Variants in PLPP1 observed in about 807,000 individuals in gnomAD.
PLPP1 encodes lipid phosphate phosphohydrolase 1a.
A neutral mutation model predicts 31.2 loss-of-function variants in PLPP1; 24 were observed. The ratio of observed to expected loss-of-function variants is 0.77; its 90% CI spans 0.56 to 1.08. PLPP1 has a LOEUF of 1.08. Among genes scored for constraint, PLPP1 ranks in the 50% least tolerant of loss-of-function variants. The pLI is 0.00. For synonymous variants in PLPP1, 146 were observed against 126.3 expected (o/e 1.16, Z -1.05); for missense variants, 319 against 342.7 (o/e 0.93, Z 0.55).
intron 1 of PLPP1, among the ~76,000 whole-genome samples, chr5:55,519,078 G>C (rs1165753159): frequency 6.6e-6 from 1 of 152,122 alleles, no homozygotes; most frequent in Non-Finnish European, 1.5e-5. Flanking sequence ...AAAAACTTCA[G>C]AGGGTAATTA....
chr5:55,506,671 GT>G (rs1385606222), intron 1 of PLPP1, among the ~76,000 whole-genome samples: 1 of 152,092 alleles, frequency 6.6e-6, no homozygotes, highest in African/African-American at 2.4e-5. Context: ...AAACTAATAT[GT>G]AAGAAACACA....
chr5:55,512,506 GA>G (rs1561253117), intron 1 of PLPP1, among the ~76,000 whole-genome samples: 3,252 of 12,724 alleles, frequency 0.26, 242 homozygotes, highest in Admixed American at 0.36. Context: ...GAAAAGAAAA[GA>G]AAAGAAAAGA....
rs77667438 is a variant in PLPP1, at chr5:55,499,070, T to C, written c.59-23620A>G. Among the ~76,000 whole-genome samples, 955 of 152,254 alleles carry C rather than the reference T, an allele frequency of 6.3e-3. 5 individuals are homozygous for C. The highest frequency in any genetic ancestry group is 0.019 in the East Asian group (98 of 5,190). On this transcript the variant is annotated intron_variant, in intron 1 of 5. Transcript: ENST00000307259. ...CCAAAACAAACTCCCTGCAGGAAAGTAGAGGGATAAGATTTCCAAAGGAGA... is the reference window on the plus strand; with the variant it reads ...CCAAAACAAACTCCCTGCAGGAAAGCAGAGGGATAAGATTTCCAAAGGAGA...
intron 4 of PLPP1, among the ~76,000 whole-genome samples, chr5:55,438,640 G>A (rs910271628): frequency 2.6e-5 from 4 of 152,020 alleles, no homozygotes; most frequent in African/African-American, 9.7e-5. Flanking sequence ...GGTGGCTCAC[G>A]CCTGTAATCC....
At chr5:55,430,595 C>T (rs1751324218) in intron 4 of PLPP1, among the ~76,000 whole-genome samples, 1 of 152,150 alleles carries the variant, frequency 6.6e-6, no homozygotes, top group Admixed American at 6.5e-5. Context: ...AAATATCCTC[C>T]CCTATGAAGG....
At chr5:55,448,804 T>A (rs1751828799) in intron 3 of PLPP1, among the ~76,000 whole-genome samples, 1 of 152,134 alleles carries the variant, frequency 6.6e-6, no homozygotes, top group Non-Finnish European at 1.5e-5. Flanking sequence ...GGGGAACTGG[T>A]TCCTGGACCT....
intron 1 of PLPP1, among the ~76,000 whole-genome samples, chr5:55,483,185 T>TA (rs1311188252): frequency 6.6e-6 from 1 of 152,164 alleles, no homozygotes; most frequent in Non-Finnish European, 1.5e-5. Flanking sequence ...TAATATTTCT[T>TA]AAAAAGTCGT....
chr5:55,462,403 G>C (rs1293973697), intron 3 of PLPP1, among the ~76,000 whole-genome samples: 4 of 151,354 alleles, frequency 2.6e-5, no homozygotes, highest in Non-Finnish European at 5.9e-5. Context: ...GTTTTTTTTC[G>C]GTCAATAAAT....
intron 1 of PLPP1, chr5:55,485,072 T>TA (rs1305102536): frequency 6.6e-6 from 1 of 152,186 alleles, no homozygotes; most frequent in Non-Finnish European, 1.5e-5. Flanking sequence ...AATAAAACTA[T>TA]AATCATAAGT....
At chr5:55,521,850 T>C (rs1183410382) in intron 1 of PLPP1, among the ~76,000 whole-genome samples, 1 of 152,230 alleles carries the variant, frequency 6.6e-6, no homozygotes. Context: ...TTACATGAGT[T>C]CATGTGAAAC....
At chr5:55,522,909 G>A (rs1417071288) in intron 1 of PLPP1, among the ~76,000 whole-genome samples, 5 of 151,988 alleles carry the variant, frequency 3.3e-5, no homozygotes, top group Non-Finnish European at 5.9e-5. Context: ...TAGTACAGAC[G>A]GGGTTTCAGC....
intron 1 of PLPP1, among the ~76,000 whole-genome samples, chr5:55,493,679 A>G (rs1408381920): frequency 6.6e-6 from 1 of 152,092 alleles, no homozygotes; most frequent in East Asian, 1.9e-4. Flanking sequence ...CAAGGTCAGG[A>G]GATCAAGACC....
chr5:55,477,183 T>C (rs1456091552), intron 1 of PLPP1, among the ~76,000 whole-genome samples: 1 of 152,172 alleles, frequency 6.6e-6, no homozygotes, highest in Non-Finnish European at 1.5e-5. Context: ...TCAATACATA[T>C]ACCATGGTTA....
rs75863817 is a variant in PLPP1 at position 55,470,452 on chromosome 5, G to C, written c.211-2303C>G. On this transcript the variant is annotated intron_variant, in intron 2 of 5. Coordinates refer to ENST00000307259, the MANE Select transcript of PLPP1 (RefSeq NM_003711.4). ...GCCACCCAAATCCTGGCTCTTGCCA[G>C]TGATGACAGAAAATGAGTTTGCTAG... Among the ~76,000 whole-genome samples the C allele has an allele frequency of 1.3e-3, 193 of 152,292 alleles. 7 individuals carry two copies. In the East Asian group the frequency reaches 0.032, roughly 26 times the overall value.
intron 1 of PLPP1, among the ~76,000 whole-genome samples, chr5:55,492,404 A>G: frequency 6.6e-6 from 1 of 152,222 alleles, no homozygotes; most frequent in East Asian, 1.9e-4. Context: ...AAGAAGAAAT[A>G]CCATAAAAGG....
At chr5:55,489,484 A>G (rs1430532524) in intron 1 of PLPP1, among the ~76,000 whole-genome samples, 9 of 152,218 alleles carry the variant, frequency 5.9e-5, no homozygotes, top group Admixed American at 5.9e-4. Flanking sequence ...GTATCCCCTT[A>G]AACTAAATGC....
intron 1 of PLPP1, among the ~76,000 whole-genome samples, chr5:55,525,377 T>C (rs1304019206): frequency 6.6e-6 from 1 of 152,204 alleles, no homozygotes; most frequent in African/African-American, 2.4e-5. Flanking sequence ...CAGAGTTCAA[T>C]GGAGGAGCTA....
intron 3 of PLPP1, among the ~76,000 whole-genome samples, chr5:55,458,425 A>C (rs980786413): frequency 2.0e-5 from 3 of 146,394 alleles, no homozygotes; most frequent in South Asian, 4.2e-4. Flanking sequence ...TATTAACCTT[A>C]AAAAAAAAAA....
chr5:55,447,360 T>A (rs1458658541), intron 3 of PLPP1, among the ~76,000 whole-genome samples: 1 of 152,212 alleles, frequency 6.6e-6, no homozygotes, highest in African/African-American at 2.4e-5. Context: ...TATGCCAAAG[T>A]TGGTTCTGCT....
Sources: allele counts gnomAD v4.1 joint callset (sites outside exome capture counted in the v4.1 genomes callset), GRCh38; gene constraint gnomAD v4.1.1; transcripts MANE v1.5; gene names NCBI Gene and HGNC (gene_info 2026-07-23, HGNC 2026-07-21).